NSF: variants seen among roughly 807,000 people sequenced by gnomAD.
NSF encodes the protein N-ethylmaleimide sensitive factor, vesicle fusing ATPase.
In NSF, 14 loss-of-function variants were observed where a neutral mutation model predicts 50.3. The ratio of observed to expected loss-of-function variants is 0.28; its 90% CI spans 0.18 to 0.44. The LOEUF (loss-of-function observed/expected upper bound fraction) is 0.44. NSF is among the 20% of genes least tolerant of loss of function. NSF has a pLI of 1.00. For synonymous variants in NSF, 109 were observed against 175.7 expected (o/e 0.62, Z 3.00); for missense variants, 218 against 504.3 (o/e 0.43, Z 5.44).
At chr17:46,732,092 T>C (rs553365652) in intron 17 of NSF, among the ~76,000 whole-genome samples, 1 of 152,208 alleles carries the variant, frequency 6.6e-6, no homozygotes. Context: ...ATTGTAGAAA[T>C]GCATAGAGTG....
intron 10 of NSF, among the ~76,000 whole-genome samples, chr17:46,693,434 G>A (rs560771305): frequency 3.7e-4 from 56 of 151,740 alleles, no homozygotes; most frequent in African/African-American, 1.2e-3. Context: ...CAGGGAGTGC[G>A]TTTCAGATCC....
intron 8 of NSF, among the ~76,000 whole-genome samples, chr17:46,659,674 A>G (rs1486114474): frequency 2.1e-5 from 3 of 141,848 alleles, no homozygotes; most frequent in African/African-American, 8.7e-5. Flanking sequence ...ATGAATAAGT[A>G]CAGAAATGCA....
chr17:46,704,932 A>C, intron 13 of NSF, 78 bp downstream of exon 13: 3 of 1,448,644 alleles, frequency 2.1e-6, no homozygotes, highest in Non-Finnish European at 9.4e-7. Context: ...AGTGCCATTT[A>C]CTCAGTATTA....
At chr17:46,631,086 A>ACACACACACACACACG (rs1568018545) in intron 4 of NSF, among the ~76,000 whole-genome samples, 14 of 145,806 alleles carry the variant, frequency 9.6e-5, no homozygotes, top group Admixed American at 4.7e-4. Flanking sequence ...ACACACACAC[A>ACACACACACACACACG]CACACACACA....
intron 13 of NSF, 78 bp from the exon 14 acceptor site, chr17:46,710,885 C>A: frequency 7.7e-7 from 1 of 1,293,904 alleles, no homozygotes; most frequent in Non-Finnish European, 1.1e-6. Flanking sequence ...TTAGCATGTA[C>A]GGATTATAAC....
At position 46,711,079 on chromosome 17, in the gene NSF, G is replaced by T. The variant is rs562171215; in HGVS notation, c.1587G>T (p.Lys529Asn). The change falls in exon 14 of 21, where the codon AAG becomes AAT. Residue 529 changes from lysine (K) to asparagine (N), a missense_variant. By Grantham distance (94) the Lys-to-Asn change is moderately conservative (BLOSUM62 0). Around this residue, in one of 2 missense-constraint regions of NSF, gnomAD observed 209 missense variants for 320.9 expected, o/e 0.65. Coordinates refer to ENST00000398238, the MANE Select transcript of NSF (RefSeq NM_006178.4). ...GGGAGCTGCTGGTGCAGCAGACTAA[G>T]AACAGTGACCGCACACCATTGGTCA... is the stretch of plus-strand genomic sequence containing the variant. ...DDGELLVQQT[K>N]NSDRTPLVSV... 6.3e-7 allele frequency: 1 copy of T among 1,576,330 alleles called. No homozygotes were observed. The highest frequency in any genetic ancestry group is 2.4e-5 in the East Asian group (1 of 41,240).
chr17:46,717,689 G>A lies in NSF; in HGVS notation c.1761+3703G>A, dbSNP rs762691991. Among the ~76,000 whole-genome samples, 80 of 152,294 alleles carry A rather than the reference G, an allele frequency of 5.3e-4. 1 individual carries two copies. Among genetic ancestry groups the A allele is most frequent in the Non-Finnish European group, 1.0e-3 (70 of 68,024 alleles). Reference sequence around the variant, plus strand: ...AGCACACCACTGCACTCCAGCCTGGGCGACAGAGCAAGACTCCATCTAAAA... The same window carrying A: ...AGCACACCACTGCACTCCAGCCTGGACGACAGAGCAAGACTCCATCTAAAA... On this transcript the variant is annotated intron_variant, in intron 15 of 20. Coordinates refer to ENST00000398238, the MANE Select transcript of NSF (RefSeq NM_006178.4).
intron 12 of NSF, among the ~76,000 whole-genome samples, chr17:46,694,984 T>C (rs1428846971): frequency 8.6e-6 from 1 of 116,040 alleles, no homozygotes; most frequent in Non-Finnish European, 1.8e-5. Context: ...TGGTGGCTCA[T>C]GCCTGTAATC....
chr17:46,721,894 A>G (rs2058834584), intron 15 of NSF: 14 of 1,589,788 alleles, frequency 8.8e-6, no homozygotes, highest in Non-Finnish European at 1.1e-5. Flanking sequence ...TAAAGACGAC[A>G]TGCTTCCCAC....
Position 46,755,966 on chromosome 17 carries a change from C to A in NSF, c.*143C>A. Reference sequence around the variant, plus strand: ...ATGTGCTCGCTCTGCATGATTAGTGCAATAAAACTCCCTTCCTTATGCATA... The same window carrying A: ...ATGTGCTCGCTCTGCATGATTAGTGAAATAAAACTCCCTTCCTTATGCATA... On this transcript the variant is annotated 3_prime_UTR_variant, in exon 21 of 21. Coordinates refer to ENST00000398238, the MANE Select transcript of NSF (RefSeq NM_006178.4). 1 of 731,368 alleles carries A rather than the reference C, an allele frequency of 1.4e-6. No individual in the cohort carries two copies. Among genetic ancestry groups the A allele is most frequent in the Non-Finnish European group, 2.2e-6 (1 of 451,796 alleles). The allele number at this position is 731,368 out of a possible 1,614,324, so 45.3% of individuals were successfully genotyped here. A position where few individuals can be genotyped will look rare whatever the true frequency, so the allele number is the denominator to read the frequency against.
chr17:46,739,732 A>G (rs1568056341), intron 17 of NSF, among the ~76,000 whole-genome samples: 2 of 147,146 alleles, frequency 1.4e-5, no homozygotes, highest in Non-Finnish European at 3.0e-5. Flanking sequence ...TTTTTTTCTG[A>G]TTTTTTTTTT....
chr17:46,723,374 A>C (rs1273123319), intron 15 of NSF, among the ~76,000 whole-genome samples: 1 of 152,252 alleles, frequency 6.6e-6, no homozygotes, highest in Admixed American at 6.5e-5. Context: ...ACCTGAGTTT[A>C]TAAGATACCA....
At chr17:46,746,427 A>G (rs916959174) in intron 17 of NSF, among the ~76,000 whole-genome samples, 1 of 152,194 alleles carries the variant, frequency 6.6e-6, no homozygotes, top group Non-Finnish European at 1.5e-5. Flanking sequence ...AATGTGTCTT[A>G]TTGACAGTAG....
intron 12 of NSF, among the ~76,000 whole-genome samples, chr17:46,699,402 G>GACACACACACAC (rs4061825): frequency 1.5e-4 from 22 of 148,310 alleles, no homozygotes; most frequent in African/African-American, 5.4e-4. Flanking sequence ...ATAAACTGAG[G>GACACACACACAC]ACACACACAC....
intron 15 of NSF, among the ~76,000 whole-genome samples, chr17:46,714,421 G>T (rs1295863742): frequency 6.6e-6 from 1 of 152,166 alleles, no homozygotes; most frequent in Non-Finnish European, 1.5e-5. Flanking sequence ...CCTACAAAAG[G>T]ATAGTTTTAT....
chr17:46,754,181 A>G (rs1172729171), intron 19 of NSF, among the ~76,000 whole-genome samples: 2 of 149,088 alleles, frequency 1.3e-5, no homozygotes, highest in South Asian at 2.1e-4. Flanking sequence ...GAACTTGACA[A>G]TTGATTCATA....
At position 46,756,042 on chromosome 17, in the gene NSF, G is replaced by A. The variant is rs1164866639; in HGVS notation, c.*219G>A. ...AGGTGTCAATTTGGTTTAGAATGCTGCGCTTACCTTCCCATGCAGGCTAAA... is the reference window on the plus strand; with the variant it reads ...AGGTGTCAATTTGGTTTAGAATGCTACGCTTACCTTCCCATGCAGGCTAAA... On this transcript the variant is annotated 3_prime_UTR_variant, in exon 21 of 21. Coordinates refer to ENST00000398238, the MANE Select transcript of NSF (RefSeq NM_006178.4). The A allele has an allele frequency of 1.5e-5, 8 of 527,560 alleles. No individual in the cohort carries two copies. Among genetic ancestry groups the A allele is most frequent in the Non-Finnish European group, 2.3e-5 (7 of 299,046 alleles). The allele number at this position is 527,560 out of a possible 1,614,324, so 32.7% of individuals were successfully genotyped here.
At position 46,755,236 on chromosome 17, in the gene NSF, C is replaced by A. The variant is rs2059221477; in HGVS notation, c.2158-78C>A. ...AGCATTGATGAAGTGTGAAACCGAA[C>A]ACTGCCTTCTCATGAAGCAAGTGCA... On this transcript the variant is annotated intron_variant, in intron 19 of 20. Coordinates refer to ENST00000398238, the MANE Select transcript of NSF (RefSeq NM_006178.4). The A allele has an allele frequency of 4.6e-6, 5 of 1,082,108 alleles. No individual in the cohort carries two copies. The South Asian group carries it at 5.1e-5, about 11-fold the overall frequency. The allele number at this position is 1,082,108 out of a possible 1,614,324, so 67.0% of individuals were successfully genotyped here.
intron 17 of NSF, among the ~76,000 whole-genome samples, chr17:46,731,529 G>T (rs2058948669): frequency 6.6e-6 from 1 of 152,274 alleles, no homozygotes; most frequent in Admixed American, 6.5e-5. Flanking sequence ...TTTTAGAAGT[G>T]GTTTAGGAGC....
Sources: gnomAD v4.1 joint callset for allele counts (sites outside exome capture counted in the v4.1 genomes callset) on GRCh38, gnomAD v4.1.1 for gene constraint, gnomAD v4.1.1 regional missense constraint, MANE v1.5 for transcripts, NCBI Gene and HGNC (gene_info 2026-07-23, HGNC 2026-07-21) for gene names.